MECOM: variants seen among roughly 807,000 people sequenced by gnomAD.
MECOM encodes the protein histone-lysine N-methyltransferase MECOM.
Under a neutral mutation model 116.3 loss-of-function variants are expected in MECOM, and 13 were observed. That is an observed-to-expected ratio of 0.11 (90% confidence interval 0.07 to 0.18). The LOEUF (loss-of-function observed/expected upper bound fraction) is 0.18, where lower values mean the gene tolerates loss of function less well. Ranked by LOEUF, MECOM falls within the 10% of genes least tolerant of loss-of-function variation. The pLI, the probability that MECOM is intolerant of heterozygous loss-of-function variation, is 1.00. For missense variants in MECOM, 1,299 were observed against 1,509.0 expected (o/e 0.86, Z 2.31); for synonymous variants, 528 against 535.2 (o/e 0.99, Z 0.19).
chr3:169,203,976 T>C (rs2149455813), intron 2 of MECOM, among the ~76,000 whole-genome samples: 1 of 152,322 alleles, frequency 6.6e-6, no homozygotes, highest in South Asian at 2.1e-4. Context: ...GGCCTTGGAA[T>C]TATATGGCTT....
At chr3:169,270,139 G>A (rs991212574) in intron 2 of MECOM, among the ~76,000 whole-genome samples, 6 of 152,046 alleles carry the variant, frequency 3.9e-5, no homozygotes, top group Admixed American at 1.3e-4. Context: ...CACTGATCCC[G>A]GTAAGAAAGG....
At chr3:169,615,124 A>C (rs999335901) in intron 1 of MECOM, 7 of 152,258 alleles carry the variant, frequency 4.6e-5, no homozygotes, top group Admixed American at 3.9e-4. Context: ...ATAGGCTCAC[A>C]AATACATGAC....
chr3:169,268,625 G>C (rs1362093458), intron 2 of MECOM, among the ~76,000 whole-genome samples: 2 of 152,174 alleles, frequency 1.3e-5, no homozygotes, highest in African/African-American at 4.8e-5. Flanking sequence ...TCCTGAGTTT[G>C]CTTCAATAAA....
chr3:169,497,113 C>T (rs1282173112), intron 1 of MECOM, among the ~76,000 whole-genome samples: 1 of 152,116 alleles, frequency 6.6e-6, no homozygotes, highest in African/African-American at 2.4e-5. Flanking sequence ...TTAGTAATTT[C>T]TTTAATGGCA....
intron 1 of MECOM, among the ~76,000 whole-genome samples, chr3:169,462,371 T>G (rs1251087609): frequency 1.3e-5 from 2 of 152,206 alleles, no homozygotes; most frequent in Non-Finnish European, 2.9e-5. Flanking sequence ...ATGTTTTTAC[T>G]TAGGGCTCTT....
rs1744659437 is a variant in MECOM, at chr3:169,446,537, C to T, written c.38-65013G>A. ...ACTAATACAGACACTCTCCACGCTA[C>T]ACAAATAAGCCTGGTCTTCCACAGA... On this transcript the variant is annotated intron_variant, in intron 1 of 16. Coordinates refer to ENST00000651503, the MANE Select transcript of MECOM (RefSeq NM_004991.4). 2.0e-5 allele frequency among the ~76,000 whole-genome samples: 3 copies of T among 152,192 alleles called. No individual in the cohort carries two copies. The South Asian group carries it at 6.2e-4, about 31-fold the overall frequency.
intron 12 of MECOM, among the ~76,000 whole-genome samples, chr3:169,098,886 A>G (rs1246581844): frequency 1.3e-5 from 2 of 152,114 alleles, no homozygotes; most frequent in Non-Finnish European, 2.9e-5. Context: ...CAAAGATAGT[A>G]CATAGTACCC....
At chr3:169,268,055 T>G (rs1023144590) in intron 2 of MECOM, among the ~76,000 whole-genome samples, 1 of 152,166 alleles carries the variant, frequency 6.6e-6, no homozygotes, top group Admixed American at 6.5e-5. Context: ...AAAAATTGTA[T>G]CTATGATAAA....
At chr3:169,456,061 ATTAAT>A (rs1746433880) in intron 1 of MECOM, among the ~76,000 whole-genome samples, 1 of 152,222 alleles carries the variant, frequency 6.6e-6, no homozygotes, top group Non-Finnish European at 1.5e-5. Flanking sequence ...GGATTTTTAC[ATTAAT>A]TTAAAAAATC....
intron 2 of MECOM, among the ~76,000 whole-genome samples, chr3:169,371,318 G>C (rs1158902241): frequency 6.6e-6 from 1 of 151,888 alleles, no homozygotes; most frequent in Admixed American, 6.6e-5. Flanking sequence ...AAAAATGATA[G>C]GAACAGAGAG....
At chr3:169,237,142 G>A (rs981790603) in intron 2 of MECOM, among the ~76,000 whole-genome samples, 11 of 152,132 alleles carry the variant, frequency 7.2e-5, no homozygotes, top group African/African-American at 2.7e-4. Context: ...ATATCCACTA[G>A]GATAATATGT....
chr3:169,492,320 G>C (rs775623497), intron 1 of MECOM, among the ~76,000 whole-genome samples: 1 of 152,200 alleles, frequency 6.6e-6, no homozygotes, highest in Non-Finnish European at 1.5e-5. Context: ...CATTGTATGA[G>C]AGCAAAACTT....
chr3:169,179,747 T>C (rs1559958851), intron 2 of MECOM, among the ~76,000 whole-genome samples: 1 of 152,200 alleles, frequency 6.6e-6, no homozygotes, highest in Non-Finnish European at 1.5e-5. Context: ...CATGAATACC[T>C]TGCTTCTTTT....
At chr3:169,199,273 A>G (rs1748845436) in intron 2 of MECOM, among the ~76,000 whole-genome samples, 1 of 152,088 alleles carries the variant, frequency 6.6e-6, no homozygotes, top group Non-Finnish European at 1.5e-5. Context: ...TCAGCACCCC[A>G]GCAGAGCTGA....
intron 2 of MECOM, among the ~76,000 whole-genome samples, chr3:169,307,580 T>C (rs1717953109): frequency 6.6e-6 from 1 of 152,060 alleles, no homozygotes; most frequent in Non-Finnish European, 1.5e-5. Flanking sequence ...AAAGAATAAA[T>C]AAATAAAAAT....
In MECOM at chr3:169,084,403, T is replaced by C; in HGVS notation, c.*506A>G. 4.3e-6 allele frequency: 1 copy of C among 232,304 alleles called. No homozygotes were observed. Among genetic ancestry groups the C allele is most frequent in the Non-Finnish European group, 8.5e-6 (1 of 117,550 alleles). 14.4% of individuals were successfully genotyped at this position (232,304 alleles called of 1,614,324 possible). On this transcript the variant is annotated 3_prime_UTR_variant, in exon 17 of 17. Transcript: ENST00000651503. ...TTTCTATAATAATTGACTGTGCATT[T>C]CATCCAACTACTTCTGTCTTCAAAG... is the stretch of plus-strand genomic sequence containing the variant.
At chr3:169,119,040 C>T (rs1730120830) in intron 7 of MECOM, among the ~76,000 whole-genome samples, 1 of 152,158 alleles carries the variant, frequency 6.6e-6, no homozygotes, top group Admixed American at 6.5e-5. Flanking sequence ...AATTAAGAGG[C>T]ATTTTGAATA....
intron 1 of MECOM, among the ~76,000 whole-genome samples, chr3:169,496,920 A>T (rs1400159256): frequency 6.6e-6 from 1 of 152,236 alleles, no homozygotes; most frequent in Non-Finnish European, 1.5e-5. Context: ...AAAATAGATT[A>T]TATTCAGTAA....
chr3:169,468,353 T>A (rs1251210120), intron 1 of MECOM, among the ~76,000 whole-genome samples: 3 of 152,196 alleles, frequency 2.0e-5, no homozygotes, highest in Non-Finnish European at 4.4e-5. Flanking sequence ...GTTCTCTCTT[T>A]TATGTGTACA....
Sources: gnomAD v4.1 joint callset for allele counts (sites outside exome capture counted in the v4.1 genomes callset) on GRCh38, gnomAD v4.1.1 for gene constraint, MANE v1.5 for transcripts, NCBI Gene and HGNC (gene_info 2026-07-23, HGNC 2026-07-21) for gene names.